The following LEPR variants were observed in gnomAD, a reference collection of about 807,000 sequenced individuals.
LEPR encodes leptin receptor.
LEPR carries 56 observed loss-of-function variants against 114.7 expected under a neutral mutation model. The ratio of observed to expected loss-of-function variants is 0.49; its 90% CI spans 0.39 to 0.61. The LOEUF (loss-of-function observed/expected upper bound fraction) is 0.61, where lower values mean the gene tolerates loss of function less well. LEPR is among the 20% of genes least tolerant of loss of function. The probability of loss-of-function intolerance (pLI) is 0.00; values close to 1 mark genes in which losing one functional copy is unlikely to be tolerated. For synonymous variants in LEPR, 443 were observed against 461.4 expected (o/e 0.96, Z 0.51); for missense variants, 1,202 against 1,352.9 (o/e 0.89, Z 1.75).
At chr1:65,550,057 T>G (rs1260809859) in intron 2 of LEPR, among the ~76,000 whole-genome samples, 1 of 152,240 alleles carries the variant, frequency 6.6e-6, no homozygotes, top group Non-Finnish European at 1.5e-5. Flanking sequence ...TGCAGGTCTG[T>G]TGGAGTTTGC....
chr1:65,552,825 A>G (rs1652509690), intron 2 of LEPR, among the ~76,000 whole-genome samples: 1 of 152,024 alleles, frequency 6.6e-6, no homozygotes, highest in African/African-American at 2.4e-5. Context: ...GGTCTTTACT[A>G]TTTGGTATGT....
Position 65,605,203 on chromosome 1 carries a change from C to G in LEPR, c.1569C>G (p.Asp523Glu). The stretch of plus-strand genomic sequence containing the variant: ...TCAATCACTCTCTAGGTTCACTTGA[C>G]TCTCCACCAACATGTGTCCTTCCTG... ...IRINHSLGSLDSPPTCVLPDS... is the reference protein window; with the variant it reads ...IRINHSLGSLESPPTCVLPDS... The change falls in exon 11 of 20, where the codon GAC (aspartate) becomes GAG (glutamate). Residue 523 changes from aspartate (D) to glutamate (E), a missense_variant. Asp to Glu is a conservative substitution (Grantham distance 45). Coordinates refer to ENST00000349533, the MANE Select transcript of LEPR (RefSeq NM_002303.6). 6.2e-7 allele frequency: 1 copy of G among 1,614,146 alleles called. No homozygotes were observed. The highest frequency in any genetic ancestry group is 8.5e-7 in the Non-Finnish European group (1 of 1,180,032).
intron 2 of LEPR, chr1:65,434,472 T>C (rs548617773): frequency 1.0e-6 from 1 of 985,376 alleles, no homozygotes; most frequent in African/African-American, 1.7e-5. Flanking sequence ...ACAAGCAGAC[T>C]TTGAGACACT....
intron 2 of LEPR, chr1:65,432,634 T>A: frequency 1.0e-6 from 1 of 985,060 alleles, no homozygotes; most frequent in Non-Finnish European, 1.2e-6. Context: ...GCCTATAATA[T>A]TTAGGCAGTT....
chr1:65,552,619 GA>G (rs1652484316), intron 2 of LEPR, among the ~76,000 whole-genome samples: 2 of 152,146 alleles, frequency 1.3e-5, no homozygotes, highest in African/African-American at 4.8e-5. Flanking sequence ...AAAGGCATGT[GA>G]GACTGGTCTC....
chr1:65,600,860 T>C (rs947283872), intron 8 of LEPR, among the ~76,000 whole-genome samples: 2 of 152,060 alleles, frequency 1.3e-5, no homozygotes, highest in African/African-American at 4.8e-5. Flanking sequence ...TGCTGCATTA[T>C]CATTCATACG....
At chr1:65,441,374 G>A (rs968505950) in intron 2 of LEPR, among the ~76,000 whole-genome samples, 17 of 152,100 alleles carry the variant, frequency 1.1e-4, no homozygotes, top group African/African-American at 3.4e-4. Context: ...GCTGACTTTG[G>A]TGCCATTTAG....
At chr1:65,557,512 C>T (rs746921827) in intron 2 of LEPR, among the ~76,000 whole-genome samples, 4 of 152,082 alleles carry the variant, frequency 2.6e-5, no homozygotes, top group Non-Finnish European at 4.4e-5. Context: ...CTTCACCTCC[C>T]GGGTTCAAGT....
At position 65,468,236 on chromosome 1, in the gene LEPR, G is replaced by A. The variant is rs988712221; in HGVS notation, c.-21+42858G>A. Among the ~76,000 whole-genome samples the A allele has an allele frequency of 2.0e-5, 3 of 152,186 alleles. No individual in the cohort carries two copies. The East Asian group carries it at 5.8e-4, about 29-fold the overall frequency. ...GACTAAGGAGACATGCTGACTCAAT[G>A]TAATGTGGTGTCCTGGATGGATCTG... is the stretch of plus-strand genomic sequence containing the variant. On this transcript the variant is annotated intron_variant, in intron 2 of 19. Coordinates refer to ENST00000349533, the MANE Select transcript of LEPR (RefSeq NM_002303.6).
intron 6 of LEPR, among the ~76,000 whole-genome samples, chr1:65,593,966 T>C (rs577508141): frequency 6.6e-6 from 1 of 152,208 alleles, no homozygotes; most frequent in South Asian, 2.1e-4. Flanking sequence ...TAAGGGAAAG[T>C]GCTGTGGAAT....
intron 2 of LEPR, among the ~76,000 whole-genome samples, chr1:65,522,859 CA>C (rs778514981): frequency 6.1e-5 from 9 of 147,674 alleles, no homozygotes; most frequent in Non-Finnish European, 8.9e-5. Context: ...TTCCTTCTCT[CA>C]AAAAAAATAC....
rs796597694 is a variant in LEPR at position 65,488,210 on chromosome 1, TTC to T, written c.-21+62850_-21+62851del. Among the ~76,000 whole-genome samples, 253 of 25,828 alleles carry T rather than the reference TTC, an allele frequency of 9.8e-3. 12 individuals are homozygous for T. The highest frequency in any genetic ancestry group is 0.026 in the Middle Eastern group (1 of 38). 16.9% of individuals were successfully genotyped at this position (25,828 alleles called of 152,430 possible). On this transcript the variant is annotated intron_variant, in intron 2 of 19. Coordinates refer to ENST00000349533, the MANE Select transcript of LEPR (RefSeq NM_002303.6). ...TTTCTTTCTTTCTTTCTTTCTTTCT[TTC>T]TCTCTCTCTCTCTCTCTTTCTTTCT...
chr1:65,598,922 A>G, intron 8 of LEPR, 118 bp downstream of exon 8: 1 of 1,468,474 alleles, frequency 6.8e-7, no homozygotes, highest in Non-Finnish European at 9.3e-7. Context: ...ACACAGTATC[A>G]ACTTCCTTGT....
rs989939362 is a variant in LEPR, at chr1:65,605,120, T to A, written c.1486T>A (p.Tyr496Asn). The A allele has an allele frequency of 3.7e-6, 6 of 1,614,046 alleles. No homozygotes were observed. The African/African-American group carries it at 8.0e-5, about 22-fold the overall frequency. Residue 496 changes from tyrosine to asparagine, a missense_variant, in exon 11 of 20, where the codon TAT (tyrosine) becomes AAT (asparagine). Coordinates refer to ENST00000349533, the MANE Select transcript of LEPR (RefSeq NM_002303.6). ...KDCYLQSDGF[Y>N]ECIFQPIFLL... ...TTGCTATTTGCAGAGTGATGGTTTT[T>A]ATGAATGCATTTTCCAGCCAATCTT...
At chr1:65,471,020 A>C (rs1434716421) in intron 2 of LEPR, among the ~76,000 whole-genome samples, 1 of 152,242 alleles carries the variant, frequency 6.6e-6, no homozygotes, top group Non-Finnish European at 1.5e-5. Context: ...GAGCTCCAGA[A>C]GTGTTCTTGT....
chr1:65,597,024 C>T (rs1432088882), intron 7 of LEPR, among the ~76,000 whole-genome samples: 1 of 151,970 alleles, frequency 6.6e-6, no homozygotes, highest in African/African-American at 2.4e-5. Flanking sequence ...GCAGGAACAC[C>T]CCCACCCTGG....
chr1:65,421,421 G>T, intron 1 of LEPR: 1 of 1,536,116 alleles, frequency 6.5e-7, no homozygotes, highest in Middle Eastern at 1.7e-4. Flanking sequence ...AGAGCAATGC[G>T]AGACGGAAAA....
At chr1:65,506,703 A>G (rs1648746713) in intron 2 of LEPR, among the ~76,000 whole-genome samples, 1 of 152,154 alleles carries the variant, frequency 6.6e-6, no homozygotes. Context: ...GGGGTACAAT[A>G]TGATATTCTG....
chr1:65,479,246 C>T (rs1647191096), intron 2 of LEPR, among the ~76,000 whole-genome samples: 1 of 150,764 alleles, frequency 6.6e-6, no homozygotes, highest in Non-Finnish European at 1.5e-5. Context: ...ACCTAAGTCC[C>T]ATAGCTCTTA....
Sources: allele counts gnomAD v4.1 joint callset (sites outside exome capture counted in the v4.1 genomes callset), GRCh38; gene constraint gnomAD v4.1.1; transcripts MANE v1.5; gene names NCBI Gene and HGNC (gene_info 2026-07-23, HGNC 2026-07-21).